The following SAMD12 variants were observed in gnomAD, a reference collection of about 807,000 sequenced individuals.
The protein encoded by SAMD12 is sterile alpha motif domain containing 12.
SAMD12 carries 9 observed loss-of-function variants against 15.0 expected under a neutral mutation model. The observed-to-expected ratio is 0.60, with a 90% CI of 0.36 to 1.05. SAMD12 has a LOEUF of 1.05. Among genes scored for constraint, SAMD12 ranks in the 50% least tolerant of loss-of-function variants. SAMD12 has a pLI of 0.01. For missense variants in SAMD12, 230 were observed against 234.2 expected, an observed-to-expected ratio of 0.98 and a Z score of 0.12; for synonymous variants, 86 against 90.1, an observed-to-expected ratio of 0.96 and a Z score of 0.25.
At chr8:118,315,058 G>A (rs1815823590) in intron 4 of SAMD12, among the ~76,000 whole-genome samples, 1 of 152,116 alleles carries the variant, frequency 6.6e-6, no homozygotes, top group African/African-American at 2.4e-5. Flanking sequence ...ATACTTAGTT[G>A]ATAACTATGT....
intron 2 of SAMD12, among the ~76,000 whole-genome samples, chr8:118,457,409 T>A (rs1427496177): frequency 1.3e-5 from 2 of 151,590 alleles, no homozygotes; most frequent in Non-Finnish European, 2.9e-5. Flanking sequence ...TTTTTTTTTT[T>A]AAATAGAGAC....
chr8:118,355,597 G>A (rs1001065469), intron 4 of SAMD12, among the ~76,000 whole-genome samples: 2 of 152,184 alleles, frequency 1.3e-5, no homozygotes, highest in African/African-American at 4.8e-5. Flanking sequence ...ACAGTTTGGA[G>A]GTAGTAGTGG....
chr8:118,458,861 T>C (rs561366951), intron 2 of SAMD12, among the ~76,000 whole-genome samples: 1 of 152,304 alleles, frequency 6.6e-6, no homozygotes, highest in Admixed American at 6.5e-5. Context: ...TATAAAAAGT[T>C]GAAAATCTGT....
chr8:118,570,765 C>G (rs1195124242), intron 2 of SAMD12, among the ~76,000 whole-genome samples: 1 of 152,076 alleles, frequency 6.6e-6, no homozygotes, highest in East Asian at 1.9e-4. Flanking sequence ...GTGTCCCCAC[C>G]CAAATCTCAT....
the SAMD12 span, among the ~76,000 whole-genome samples, chr8:118,133,987 C>G: frequency 6.6e-6 from 1 of 152,120 alleles, no homozygotes; most frequent in Non-Finnish European, 1.5e-5. Flanking sequence ...CCTTAAATAG[C>G]GGAGATGAAA....
At chr8:118,521,305 A>C (rs975597572) in intron 2 of SAMD12, among the ~76,000 whole-genome samples, 1 of 152,082 alleles carries the variant, frequency 6.6e-6, no homozygotes, top group Non-Finnish European at 1.5e-5. Context: ...ACTGGCTGCC[A>C]TGTCTATTTC....
intron 2 of SAMD12, among the ~76,000 whole-genome samples, chr8:118,530,601 T>A (rs1825658809): frequency 2.0e-5 from 3 of 152,190 alleles, no homozygotes; most frequent in African/African-American, 7.2e-5. Context: ...TGTATATTAG[T>A]TCTTTGTCAT....
At chr8:118,467,884 G>A (rs1224860254) in intron 2 of SAMD12, among the ~76,000 whole-genome samples, 1 of 152,170 alleles carries the variant, frequency 6.6e-6, no homozygotes, top group Non-Finnish European at 1.5e-5. Context: ...GAGCCTAAAA[G>A]GCTTTGACAA....
At chr8:118,423,689 C>T (rs971866403) in intron 3 of SAMD12, among the ~76,000 whole-genome samples, 3 of 152,048 alleles carry the variant, frequency 2.0e-5, no homozygotes, top group Non-Finnish European at 2.9e-5. Flanking sequence ...TGGATTCAGA[C>T]AGCCCTGGGT....
At chr8:118,521,629 G>A (rs1228472912) in intron 2 of SAMD12, among the ~76,000 whole-genome samples, 9 of 151,524 alleles carry the variant, frequency 5.9e-5, no homozygotes, top group African/African-American at 1.2e-4. Context: ...CCTTCAGCGC[G>A]TTCTATGCTT....
rs752556877 is a variant in SAMD12 at position 118,580,712 on chromosome 8, C to T, written c.192+3G>A. On this transcript the variant is annotated splice_donor_region_variant and intron_variant, in intron 2 of 3. Transcript: ENST00000314727. Reference sequence around the variant, plus strand: ...CTCCGTAATTAACTGGAATATTACGCACCTTAGCCGTCTCAGCTTCTGCCT... The same window carrying T: ...CTCCGTAATTAACTGGAATATTACGTACCTTAGCCGTCTCAGCTTCTGCCT... The T allele has an allele frequency of 1.2e-6, 2 of 1,608,942 alleles. No homozygotes were observed. The highest frequency in any genetic ancestry group is 1.7e-6 in the Non-Finnish European group (2 of 1,176,252).
chr8:118,521,534 G>T (rs188009102), intron 2 of SAMD12, among the ~76,000 whole-genome samples: 2 of 152,056 alleles, frequency 1.3e-5, no homozygotes, highest in Non-Finnish European at 2.9e-5. Context: ...TTATCCTCCA[G>T]CTGCCTGCAT....
At position 118,502,215 on chromosome 8, in the gene SAMD12, TTA is replaced by T. The variant is rs201726025; in HGVS notation, c.193-62256_193-62255del. Among the ~76,000 whole-genome samples, 935 of 143,050 alleles carry T rather than the reference TTA, an allele frequency of 6.5e-3. 8 individuals carry two copies. Among genetic ancestry groups the T allele is most frequent in the Middle Eastern group, 0.023 (6 of 256 alleles). 93.8% of individuals were successfully genotyped at this position (143,050 alleles called of 152,430 possible). On this transcript the variant is annotated intron_variant, in intron 2 of 3. Transcript: ENST00000314727. ...AAAACTATATCTTCCAGGGACTCTATTATAACAGAGAGAAGCAATCTTTTAGG... is the reference window on the plus strand; with the variant it reads ...AAAACTATATCTTCCAGGGACTCTATTAACAGAGAGAAGCAATCTTTTAGG...
At chr8:118,436,406 G>A (rs1822576294) in intron 3 of SAMD12, among the ~76,000 whole-genome samples, 1 of 152,126 alleles carries the variant, frequency 6.6e-6, no homozygotes, top group South Asian at 2.1e-4. Flanking sequence ...GGGCAGCAGG[G>A]AGGATTTGAC....
intron 2 of SAMD12, among the ~76,000 whole-genome samples, chr8:118,488,135 A>G (rs1782942666): frequency 6.6e-6 from 1 of 152,184 alleles, no homozygotes; most frequent in Non-Finnish European, 1.5e-5. Context: ...ATTATCAATA[A>G]TGATGAGCCT....
At chr8:118,277,344 A>T (rs1196274096) in intron 4 of SAMD12, among the ~76,000 whole-genome samples, 1 of 152,094 alleles carries the variant, frequency 6.6e-6, no homozygotes, top group African/African-American at 2.4e-5. Context: ...TGACTGTTCT[A>T]TCTTTCTATC....
chr8:118,468,890 C>A (rs976184437), intron 2 of SAMD12, among the ~76,000 whole-genome samples: 1 of 152,166 alleles, frequency 6.6e-6, no homozygotes, highest in African/African-American at 2.4e-5. Context: ...TAACGAGATG[C>A]AAAGGCAAAG....
At chr8:118,487,927 C>T (rs192177723) in intron 2 of SAMD12, among the ~76,000 whole-genome samples, 40 of 152,166 alleles carry the variant, frequency 2.6e-4, no homozygotes, top group Middle Eastern at 3.4e-3. Context: ...ATTTCACCAG[C>T]GATATATAAT....
At chr8:118,254,617 C>A (rs920763038) in intron 4 of SAMD12, among the ~76,000 whole-genome samples, 2 of 152,078 alleles carry the variant, frequency 1.3e-5, no homozygotes, top group Non-Finnish European at 2.9e-5. Context: ...CCTATTTCTT[C>A]CCATGACAAA....
Sources: allele counts gnomAD v4.1 joint callset (sites outside exome capture counted in the v4.1 genomes callset), GRCh38; gene constraint gnomAD v4.1.1; transcripts MANE v1.5; gene names NCBI Gene and HGNC (gene_info 2026-07-23, HGNC 2026-07-21).